BOC: variants seen among roughly 807,000 people sequenced by gnomAD.
BOC encodes BOC cell adhesion associated, oncogene regulated, also known as brother of CDO.
In BOC, 76 loss-of-function variants were observed where a neutral mutation model predicts 112.0. The ratio of observed to expected loss-of-function variants is 0.68; its 90% confidence interval spans 0.56 to 0.82. The LOEUF (loss-of-function observed/expected upper bound fraction) is 0.82, where lower values mean the gene tolerates loss of function less well. Ranked by LOEUF, BOC falls within the 40% of genes least tolerant of loss-of-function variation. The pLI is 0.00. For missense variants in BOC, 1,309 were observed against 1,511.7 expected, an observed-to-expected ratio of 0.87 and a Z score of 2.22; for synonymous variants, 580 against 599.8, an observed-to-expected ratio of 0.97 and a Z score of 0.48.
chr3:113,237,072 A>G (rs753170307), intron 2 of BOC, among the ~76,000 whole-genome samples: 3 of 152,210 alleles, frequency 2.0e-5, no homozygotes, highest in Non-Finnish European at 2.9e-5. Flanking sequence ...CTGAGCTCCA[A>G]TGCTGTCACT....
At chr3:113,226,441 A>G (rs1206090422) in intron 2 of BOC, among the ~76,000 whole-genome samples, 1 of 152,224 alleles carries the variant, frequency 6.6e-6, no homozygotes, top group Non-Finnish European at 1.5e-5. Flanking sequence ...ACTGACCACC[A>G]TTCCATGTCC....
At chr3:113,250,025 C>A in intron 3 of BOC, 126 bp downstream of exon 3, 1 of 772,482 alleles carries the variant, frequency 1.3e-6, no homozygotes, top group Non-Finnish European at 2.1e-6. Flanking sequence ...CATTGGCCTT[C>A]AGGGACACAA....
At chr3:113,246,980 G>A (rs1369768624) in intron 2 of BOC, among the ~76,000 whole-genome samples, 4 of 152,136 alleles carry the variant, frequency 2.6e-5, no homozygotes, top group Admixed American at 2.0e-4. Context: ...GCTGGTCCTC[G>A]TTAAGCAGGA....
At chr3:113,259,106 C>T (rs1262380698) in intron 4 of BOC, among the ~76,000 whole-genome samples, 1 of 152,202 alleles carries the variant, frequency 6.6e-6, no homozygotes, top group Non-Finnish European at 1.5e-5. Flanking sequence ...GTAAGTTCTG[C>T]TCAGAGCATC....
At chr3:113,285,339 C>T (rs1335856496) in intron 18 of BOC, 33 bp from the exon 19 acceptor site, 2 of 1,606,594 alleles carry the variant, frequency 1.2e-6, no homozygotes, top group African/African-American at 2.7e-5. Context: ...CCCTGCCCAG[C>T]CCCACCTCCC....
chr3:113,257,986 G>T lies in BOC; in HGVS notation c.376+7153G>T, dbSNP rs138911051. Among the ~76,000 whole-genome samples the T allele has an allele frequency of 1.9e-3, 295 of 152,332 alleles. 3 individuals carry two copies. The East Asian group carries it at 0.037, about 19-fold the overall frequency. On this transcript the variant is annotated intron_variant, in intron 4 of 19. Coordinates refer to ENST00000682979, the MANE Select transcript of BOC (RefSeq NM_001378074.1). ...AACATCTCTCAGTCTAATGGAGAAG[G>T]TGGACTTTGTTAACACATTAGTCAT...
At chr3:113,241,655 C>T (rs1207708502) in intron 2 of BOC, among the ~76,000 whole-genome samples, 1 of 152,238 alleles carries the variant, frequency 6.6e-6, no homozygotes, top group Non-Finnish European at 1.5e-5. Context: ...GTGGTGCCTT[C>T]AGCTATCTCA....
intron 2 of BOC, among the ~76,000 whole-genome samples, chr3:113,246,668 C>A (rs1576400520): frequency 6.7e-6 from 1 of 148,652 alleles, no homozygotes; most frequent in Admixed American, 7.0e-5. Context: ...ACCAAGCCCC[C>A]CAACCTTCCC....
chr3:113,211,758 C>G lies in BOC; in HGVS notation c.-428C>G, dbSNP rs1378435564. 6.6e-6 allele frequency: 1 copy of G among 152,430 alleles called. No homozygotes were observed. The highest frequency in any genetic ancestry group is 2.4e-5 in the African/African-American group (1 of 41,410). The allele number at this position is 152,430 out of a possible 1,614,324, so 9.4% of individuals were successfully genotyped here. A position where few individuals can be genotyped will look rare whatever the true frequency, so the allele number is the denominator to read the frequency against. ...CAAACACACACAGAAAAGACACACA[C>G]GCGCACACACGGCGCGCACACCCTC... On this transcript the variant is annotated 5_prime_UTR_variant, in exon 1 of 20. Transcript: ENST00000682979.
intron 4 of BOC, among the ~76,000 whole-genome samples, chr3:113,260,927 T>C (rs896501173): frequency 6.6e-6 from 1 of 152,098 alleles, no homozygotes; most frequent in African/African-American, 2.4e-5. Flanking sequence ...TCCCCACCCA[T>C]GGTCCATGGA....
chr3:113,215,608 C>A, intron 1 of BOC, among the ~76,000 whole-genome samples: 1 of 152,174 alleles, frequency 6.6e-6, no homozygotes, highest in East Asian at 1.9e-4. Context: ...GTGGCTGGGC[C>A]CCCAGTGCCA....
chr3:113,253,842 G>A (rs1283645430), intron 4 of BOC, among the ~76,000 whole-genome samples: 5 of 152,160 alleles, frequency 3.3e-5, no homozygotes, highest in Admixed American at 2.0e-4. Flanking sequence ...TTAGCAATGC[G>A]TGTGCCCTTA....
At chr3:113,240,447 C>T (rs1944146744) in intron 2 of BOC, among the ~76,000 whole-genome samples, 1 of 152,182 alleles carries the variant, frequency 6.6e-6, no homozygotes, top group South Asian at 2.1e-4. Context: ...CTGCCCCAAC[C>T]CTGACTGTAG....
intron 2 of BOC, among the ~76,000 whole-genome samples, chr3:113,242,908 C>T (rs1188883202): frequency 1.3e-5 from 2 of 152,022 alleles, no homozygotes; most frequent in Admixed American, 1.3e-4. Flanking sequence ...TAGAGATTCC[C>T]TTAATGTTTT....
intron 2 of BOC, among the ~76,000 whole-genome samples, chr3:113,242,874 C>T (rs1414764392): frequency 1.3e-5 from 2 of 152,030 alleles, no homozygotes; most frequent in Non-Finnish European, 1.5e-5. Context: ...TAAGCAATTC[C>T]GTTGGAGCAC....
intron 19 of BOC, among the ~76,000 whole-genome samples, chr3:113,286,306 T>C (rs1409460724): frequency 1.3e-5 from 2 of 151,978 alleles, no homozygotes; most frequent in Non-Finnish European, 2.9e-5. Flanking sequence ...GGGGACTGGA[T>C]TGTGAGTGGG....
In BOC at chr3:113,222,562, T is replaced by C. The variant is rs189715656; in HGVS notation, c.-82+6288T>C. On this transcript the variant is annotated intron_variant, in intron 2 of 19. Coordinates refer to ENST00000682979, the MANE Select transcript of BOC (RefSeq NM_001378074.1). ...TCCTCAAGGTAACTGCCCTCAGGAA[T>C]GTCCGTGGGTGTACCGGTTGCTCCG... 1.5e-3 allele frequency among the ~76,000 whole-genome samples: 229 copies of C among 152,342 alleles called. 1 individual carries two copies. The highest frequency in any genetic ancestry group is 5.1e-3 in the African/African-American group (214 of 41,580).
intron 6 of BOC, chr3:113,271,994 G>T: frequency 4.7e-6 from 1 of 213,318 alleles, no homozygotes. Flanking sequence ...AGAACCATAG[G>T]GTGGGGTTGA....
At chr3:113,238,746 G>C (rs1943899942) in intron 2 of BOC, among the ~76,000 whole-genome samples, 1 of 152,178 alleles carries the variant, frequency 6.6e-6, no homozygotes, top group African/African-American at 2.4e-5. Flanking sequence ...CTGAACTTCA[G>C]TTTCCTAATC....
Sources: allele counts gnomAD v4.1 joint callset (sites outside exome capture counted in the v4.1 genomes callset), GRCh38; gene constraint gnomAD v4.1.1; transcripts MANE v1.5; gene names NCBI Gene and HGNC (gene_info 2026-07-23, HGNC 2026-07-21).